FAM78A: variants seen among roughly 807,000 people sequenced by gnomAD.
The protein encoded by FAM78A is family with sequence similarity 78 member A.
Under a neutral mutation model 22.6 loss-of-function variants are expected in FAM78A, and 12 were observed. That is an observed-to-expected ratio of 0.53 (90% CI 0.34 to 0.86). FAM78A has a LOEUF of 0.86. FAM78A is among the 40% of genes least tolerant of loss of function. The pLI, the probability that FAM78A is intolerant of heterozygous loss-of-function variation, is 0.02. For missense variants in FAM78A, 322 were observed against 396.1 expected (o/e 0.81, Z 1.59); for synonymous variants, 151 against 155.8 (o/e 0.97, Z 0.23).
chr9:131,265,215 T>C lies in FAM78A; in HGVS notation c.324-3865A>G, dbSNP rs1835329575. On this transcript the variant is annotated intron_variant, in intron 1 of 1. Transcript: ENST00000372271. The surrounding 1 kb of genome is among the most constrained non-coding windows in gnomAD (Gnocchi z 4.3). ...AGTTGTCCTTGAAATTTTCCGATTATTTTTAACTTAAAAGTCTAAAGTTAA... is the reference window on the plus strand; with the variant it reads ...AGTTGTCCTTGAAATTTTCCGATTACTTTTAACTTAAAAGTCTAAAGTTAA... 6.6e-6 allele frequency among the ~76,000 whole-genome samples: 1 copy of C among 152,246 alleles called. No homozygotes were observed. Among genetic ancestry groups the C allele is most frequent in the African/African-American group, 2.4e-5 (1 of 41,458 alleles).
upstream of FAM78A, among the ~76,000 whole-genome samples, chr9:131,278,153 C>G (rs1835508947): frequency 6.6e-6 from 1 of 151,902 alleles, no homozygotes; most frequent in Middle Eastern, 3.2e-3. Flanking sequence ...CCCTCGCTCC[C>G]CCTCGCTCCC....
At chr9:131,273,451 C>T (rs905463083) in intron 1 of FAM78A, among the ~76,000 whole-genome samples, 1 of 152,230 alleles carries the variant, frequency 6.6e-6, no homozygotes, top group Non-Finnish European at 1.5e-5. Flanking sequence ...AGGCTCCCTG[C>T]AGCAAAAGAG....
rs1835483231 is a variant in FAM78A, at chr9:131,276,266, C to T, written c.-87G>A. ...AGACCGATATCCATAGGATAGAAAACTCACTGAGTAGACTGGGGTTGCATA... is the reference window on the plus strand; with the variant it reads ...AGACCGATATCCATAGGATAGAAAATTCACTGAGTAGACTGGGGTTGCATA... On this transcript the variant is annotated 5_prime_UTR_variant, in exon 1 of 2. Transcript: ENST00000372271. The surrounding 1 kb of genome is among the most constrained non-coding windows in gnomAD (Gnocchi z 4.3). 6.1e-6 allele frequency: 7 copies of T among 1,139,836 alleles called. No individual in the cohort carries two copies. The highest frequency in any genetic ancestry group is 7.5e-6 in the Non-Finnish European group (6 of 802,854). 70.6% of individuals were successfully genotyped at this position (1,139,836 alleles called of 1,614,324 possible). A position where few individuals can be genotyped will look rare whatever the true frequency, so the allele number is the denominator to read the frequency against.
Position 131,276,219 on chromosome 9 carries a change from T to C in FAM78A, c.-40A>G, listed in dbSNP as rs765105538. The stretch of plus-strand genomic sequence containing the variant: ...CTGCAGGACCCAGTACAGACGGCGC[T>C]GCTCTCCAATCTCAACTCTCAAGAC... On this transcript the variant is annotated 5_prime_UTR_variant, in exon 1 of 2. Coordinates refer to ENST00000372271, the MANE Select transcript of FAM78A (RefSeq NM_033387.4). The surrounding 1 kb of genome is among the most constrained non-coding windows in gnomAD (Gnocchi z 4.3). 5 of 1,540,778 alleles carry C rather than the reference T, an allele frequency of 3.2e-6. No individual in the cohort carries two copies. Among genetic ancestry groups the C allele is most frequent in the Non-Finnish European group, 4.4e-6 (5 of 1,130,104 alleles).
intron 1 of FAM78A, among the ~76,000 whole-genome samples, chr9:131,269,271 A>G (rs144806797): frequency 6.6e-6 from 1 of 152,316 alleles, no homozygotes; most frequent in Non-Finnish European, 1.5e-5. Context: ...TTTAACAAAA[A>G]TGGGTTACTA....
At chr9:131,263,151 A>G (rs1835295169) in intron 1 of FAM78A, among the ~76,000 whole-genome samples, 1 of 151,356 alleles carries the variant, frequency 6.6e-6, no homozygotes. Context: ...AGGCAGGAGA[A>G]TCGCTTGAAC....
chr9:131,275,437 C>T lies in FAM78A; in HGVS notation c.323+420G>A, dbSNP rs1835470062. On this transcript the variant is annotated intron_variant, in intron 1 of 1. Transcript: ENST00000372271. The surrounding 1 kb of genome is among the most constrained non-coding windows in gnomAD (Gnocchi z 4.6). ...ACACCGGTCTGGGAGTTGCAGAGTG[C>T]CTGAATGTCTGCCATGGGCCCGCAC... 6.6e-6 allele frequency among the ~76,000 whole-genome samples: 1 copy of T among 152,230 alleles called. No individual in the cohort carries two copies. Among genetic ancestry groups the T allele is most frequent in the Non-Finnish European group, 1.5e-5 (1 of 68,038 alleles).
rs4740427 is a variant in FAM78A, at chr9:131,276,476, G to T, written c.-297C>A. 0.36 allele frequency: 88,824 copies of T among 248,318 alleles called. 17,193 individuals are homozygous for T. The highest frequency in any genetic ancestry group is 0.51 in the East Asian group (6,102 of 11,986). 15.4% of individuals were successfully genotyped at this position (248,318 alleles called of 1,614,324 possible). On this transcript the variant is annotated 5_prime_UTR_variant, in exon 1 of 2. Coordinates refer to ENST00000372271, the MANE Select transcript of FAM78A (RefSeq NM_033387.4). The surrounding 1 kb of genome is among the most constrained non-coding windows in gnomAD (Gnocchi z 4.3). ...CCTTCTGTGCCTCACACGCGGGGAC[G>T]GCAGCTCGCAGACTCTCCCTGAAGT...
rs1312832351 is a variant in FAM78A at position 131,261,410 on chromosome 9, C to G, written c.324-60G>C. On this transcript the variant is annotated intron_variant, in intron 1 of 1. Transcript: ENST00000372271. The surrounding 1 kb of genome is among the most constrained non-coding windows in gnomAD (Gnocchi z 7.1). ...CACTCAAGGAGGGCTTTCTGTGTCC[C>G]CCTGGCAGGCCAGGGGCTGTCCTGG... 6.9e-7 allele frequency: 1 copy of G among 1,459,430 alleles called. No individual in the cohort carries two copies. Among genetic ancestry groups the G allele is most frequent in the Admixed American group, 2.5e-5 (1 of 39,294 alleles). 90.4% of individuals were successfully genotyped at this position (1,459,430 alleles called of 1,614,324 possible).
At chr9:131,270,194 G>A in intron 1 of FAM78A, 2 of 701,288 alleles carry the variant, frequency 2.9e-6, no homozygotes, top group Middle Eastern at 4.7e-4. Flanking sequence ...TGACAAGAGT[G>A]AAACTGCATC....
chr9:131,262,038 C>T (rs1364372420), intron 1 of FAM78A, among the ~76,000 whole-genome samples: 1 of 151,424 alleles, frequency 6.6e-6, no homozygotes, highest in Admixed American at 6.6e-5. Context: ...ACCAGCCTGG[C>T]CAACATGGTG....
chr9:131,262,182 T>TA (rs1835280081), intron 1 of FAM78A, among the ~76,000 whole-genome samples: 1 of 151,208 alleles, frequency 6.6e-6, no homozygotes. Context: ...TAGAAAAAAT[T>TA]AGTCAGGCAT....
upstream of FAM78A, among the ~76,000 whole-genome samples, chr9:131,280,045 C>T (rs1338961558): frequency 6.6e-6 from 1 of 152,198 alleles, no homozygotes; most frequent in African/African-American, 2.4e-5. Flanking sequence ...AAGTAGAAGA[C>T]CCCTCTCCCT....
rs182908050 is a variant in FAM78A, at chr9:131,265,458, A to G, written c.324-4108T>C. Reference sequence around the variant, plus strand: ...GAGATGGGGTTTCACCGTGTTATTCAGGTTGGTCTCGAACTCCTGACCTCA... The same window carrying G: ...GAGATGGGGTTTCACCGTGTTATTCGGGTTGGTCTCGAACTCCTGACCTCA... On this transcript the variant is annotated intron_variant, in intron 1 of 1. Coordinates refer to ENST00000372271, the MANE Select transcript of FAM78A (RefSeq NM_033387.4). The surrounding 1 kb of genome is among the most constrained non-coding windows in gnomAD (Gnocchi z 4.3). Among the ~76,000 whole-genome samples the G allele has an allele frequency of 1.6e-4, 25 of 152,282 alleles. No homozygotes were observed. The East Asian group carries it at 4.7e-3, about 28-fold the overall frequency.
At chr9:131,268,051 CAAA>C (rs397894549) in intron 1 of FAM78A, among the ~76,000 whole-genome samples, 3 of 52,360 alleles carry the variant, frequency 5.7e-5, no homozygotes, top group African/African-American at 5.3e-5. Flanking sequence ...GACTCTGTCT[CAAA>C]AAAAAAAAAA....
At chr9:131,277,030 C>T (rs1474901753), upstream of FAM78A, among the ~76,000 whole-genome samples, 1 of 149,876 alleles carries the variant, frequency 6.7e-6, no homozygotes, top group Non-Finnish European at 1.5e-5. The surrounding 1 kb of genome is among the most constrained non-coding windows in gnomAD (Gnocchi z 8.4). Flanking sequence ...GGGGCGGCGA[C>T]GCGTGTGCGC....
At chr9:131,262,087 G>C (rs2131151546) in intron 1 of FAM78A, among the ~76,000 whole-genome samples, 1 of 151,922 alleles carries the variant, frequency 6.6e-6, no homozygotes, top group East Asian at 1.9e-4. Flanking sequence ...ATTCACTTTG[G>C]GAGGCCAAGG....
rs189711506 is a variant in FAM78A at position 131,274,297 on chromosome 9, C to G, written c.323+1560G>C. ...TACCCCTTCCAGGGAAGAAACTAGGCTTAGCCCAAAACCCCGAGGAAAACT... is the reference window on the plus strand; with the variant it reads ...TACCCCTTCCAGGGAAGAAACTAGGGTTAGCCCAAAACCCCGAGGAAAACT... On this transcript the variant is annotated intron_variant, in intron 1 of 1. Transcript: ENST00000372271. The surrounding 1 kb of genome is among the most constrained non-coding windows in gnomAD (Gnocchi z 4.2). Among the ~76,000 whole-genome samples the G allele has an allele frequency of 8.2e-4, 125 of 152,378 alleles. No individual in the cohort carries two copies. The highest frequency in any genetic ancestry group is 1.5e-3 in the Non-Finnish European group (103 of 68,036).
At position 131,274,459 on chromosome 9, in the gene FAM78A, C is replaced by T. The variant is rs779939387; in HGVS notation, c.323+1398G>A. Among the ~76,000 whole-genome samples, 23 of 152,182 alleles carry T rather than the reference C, an allele frequency of 1.5e-4. No individual in the cohort carries two copies. Among genetic ancestry groups the T allele is most frequent in the Non-Finnish European group, 2.9e-4 (20 of 68,042 alleles). ...AACAGAAAGGCAGCACCCCCTCCCC[C>T]GAACTGGATTACTAGCTGCTCTTGA... On this transcript the variant is annotated intron_variant, in intron 1 of 1. Coordinates refer to ENST00000372271, the MANE Select transcript of FAM78A (RefSeq NM_033387.4). This position sits in a 1 kb window ranked among gnomAD's most constrained non-coding sequence, Gnocchi z 4.2.
Sources: allele counts gnomAD v4.1 joint callset (sites outside exome capture counted in the v4.1 genomes callset), GRCh38; gene constraint gnomAD v4.1.1; non-coding constraint Gnocchi (gnomAD v3.1); transcripts MANE v1.5; gene names NCBI Gene and HGNC (gene_info 2026-07-23, HGNC 2026-07-21).